Variants in ASTN2 observed in about 807,000 individuals in gnomAD.
ASTN2 encodes astrotactin-2.
Under a neutral mutation model 139.8 loss-of-function variants are expected in ASTN2, and 54 were observed. That is an observed-to-expected ratio of 0.39 (90% CI 0.31 to 0.48). ASTN2 has a LOEUF of 0.48. Ranked by LOEUF, ASTN2 falls within the 20% of genes least tolerant of loss-of-function variation. The pLI is 0.95. For synonymous variants in ASTN2, 756 were observed against 719.5 expected (o/e 1.05, Z -0.81); for missense variants, 1,565 against 1,725.1 (o/e 0.91, Z 1.64).
intron 19 of ASTN2, chr9:116,613,631 A>G (rs1221835425): frequency 6.6e-6 from 1 of 152,384 alleles, no homozygotes; most frequent in African/African-American, 2.4e-5. Flanking sequence ...AAAACACATG[A>G]TTATCTCAAT....
At chr9:117,111,645 G>C (rs1342984420) in intron 4 of ASTN2, among the ~76,000 whole-genome samples, 3 of 151,908 alleles carry the variant, frequency 2.0e-5, no homozygotes, top group South Asian at 2.1e-4. Flanking sequence ...AGAAATAAAG[G>C]CTAGAATTTA....
At chr9:117,147,562 C>A (rs1031952058) in intron 3 of ASTN2, among the ~76,000 whole-genome samples, 1 of 152,102 alleles carries the variant, frequency 6.6e-6, no homozygotes. Flanking sequence ...TATCACTTTG[C>A]TCGCCCTCTT....
chr9:117,150,828 C>T (rs1171838895), intron 3 of ASTN2, among the ~76,000 whole-genome samples: 1 of 152,022 alleles, frequency 6.6e-6, no homozygotes, highest in African/African-American at 2.4e-5. Flanking sequence ...TCCTGAGTAA[C>T]TGGGACTATA....
chr9:116,635,486 T>C (rs1247764852), intron 17 of ASTN2, among the ~76,000 whole-genome samples: 1 of 152,226 alleles, frequency 6.6e-6, no homozygotes, highest in Non-Finnish European at 1.5e-5. Flanking sequence ...AATCTATCTA[T>C]ATTTATACCT....
At position 116,473,577 on chromosome 9, in the gene ASTN2, A is replaced by G. The variant is rs569462973; in HGVS notation, c.3497+13782T>C. 5.3e-5 allele frequency among the ~76,000 whole-genome samples: 8 copies of G among 152,290 alleles called. No homozygotes were observed. In the South Asian group the frequency reaches 1.7e-3, roughly 32 times the overall value. On this transcript the variant is annotated intron_variant, in intron 20 of 22. Transcript: ENST00000313400. ...AATTAGCCAAGCATGAGTCCCCTTCAAGGTCATCATTTCAGTTGGCAGATA... is the reference window on the plus strand; with the variant it reads ...AATTAGCCAAGCATGAGTCCCCTTCGAGGTCATCATTTCAGTTGGCAGATA...
At chr9:117,238,772 G>A (rs753441465) in intron 2 of ASTN2, among the ~76,000 whole-genome samples, 5 of 152,114 alleles carry the variant, frequency 3.3e-5, no homozygotes, top group Admixed American at 2.0e-4. Context: ...TCCAGTGACC[G>A]CTATAAAGAT....
chr9:117,040,515 G>A (rs1277732945), intron 5 of ASTN2, among the ~76,000 whole-genome samples: 1 of 152,152 alleles, frequency 6.6e-6, no homozygotes, highest in African/African-American at 2.4e-5. Context: ...CTAGAGTGCA[G>A]TGGCACAATC....
chr9:116,969,514 T>G (rs1479360688), intron 10 of ASTN2, among the ~76,000 whole-genome samples: 2 of 152,044 alleles, frequency 1.3e-5, no homozygotes, highest in African/African-American at 4.8e-5. Flanking sequence ...GTTGTAAGCC[T>G]GGAGAGGTCA....
chr9:117,308,448 T>C (rs1835058718), intron 1 of ASTN2, among the ~76,000 whole-genome samples: 1 of 152,068 alleles, frequency 6.6e-6, no homozygotes, highest in Non-Finnish European at 1.5e-5. Context: ...ATGCAGTTAG[T>C]ATGGAGCACA....
At chr9:116,982,238 C>G (rs1836530770) in intron 7 of ASTN2, among the ~76,000 whole-genome samples, 1 of 152,154 alleles carries the variant, frequency 6.6e-6, no homozygotes, top group South Asian at 2.1e-4. Context: ...TTTGCAAGAA[C>G]CTGATAAATT....
intron 16 of ASTN2, among the ~76,000 whole-genome samples, chr9:116,666,585 C>A (rs917034741): frequency 1.5e-4 from 23 of 152,080 alleles, no homozygotes; most frequent in Admixed American, 5.2e-4. Context: ...CTGTATCATA[C>A]TTTTAAAATA....
chr9:116,540,092 T>C (rs1385687157), intron 19 of ASTN2, among the ~76,000 whole-genome samples: 1 of 152,236 alleles, frequency 6.6e-6, no homozygotes, highest in Admixed American at 6.5e-5. Flanking sequence ...AGACTGCTTT[T>C]CCAGCCAATG....
chr9:116,947,306 A>C (rs1835425398), intron 10 of ASTN2, among the ~76,000 whole-genome samples: 1 of 152,176 alleles, frequency 6.6e-6, no homozygotes, highest in African/African-American at 2.4e-5. Flanking sequence ...CAAGATAATG[A>C]ATGTGAACGT....
Position 116,976,736 on chromosome 9 carries a change from G to T in ASTN2, c.1641C>A (p.His547Gln), listed in dbSNP as rs10983437. 6.2e-7 allele frequency: 1 copy of T among 1,613,916 alleles called. No homozygotes were observed. Among genetic ancestry groups the T allele is most frequent in the Non-Finnish European group, 8.5e-7 (1 of 1,179,950 alleles). The change falls in exon 8 of 23, where the codon CAC becomes CAA. Residue 547 changes from histidine to glutamine, a missense_variant. Transcript: ENST00000313400. ...EGYAPDPVHR[H>Q]LCVRSDWGQS... is the part of the protein sequence containing the mutation. ...GTCCCCAGTCACTGCGCACACACAG[G>T]TGTCTGTGAACAGGGTCAGGGGCAT...
chr9:117,008,210 C>T lies in ASTN2; in HGVS notation c.1473G>A (p.Trp491Ter). Residue 491 changes from tryptophan to a stop codon, truncating the protein, a stop_gained, in exon 7 of 23, where the codon TGG becomes TGA. Transcript: ENST00000313400. LOFTEE classifies it high-confidence loss of function. ...SEGSYLDISD[W>*]LNPAKLSLYY... Reference sequence around the variant, plus strand: ...ACAGGGAAAGCTTGGCCGGGTTTAACCAGTCGGAGATGTCCAGGTAGCTCC... The same window carrying T: ...ACAGGGAAAGCTTGGCCGGGTTTAATCAGTCGGAGATGTCCAGGTAGCTCC... The T allele has an allele frequency of 6.2e-7, 1 of 1,610,636 alleles. No homozygotes were observed.
intron 1 of ASTN2, among the ~76,000 whole-genome samples, chr9:117,323,337 G>T (rs1482463112): frequency 1.4e-5 from 2 of 141,962 alleles, no homozygotes; most frequent in African/African-American, 5.2e-5. Flanking sequence ...AATCAATCAA[G>T]ACCTAACCCC....
intron 2 of ASTN2, among the ~76,000 whole-genome samples, chr9:117,227,918 G>C (rs897485622): frequency 1.3e-5 from 2 of 152,166 alleles, no homozygotes; most frequent in Admixed American, 1.3e-4. Flanking sequence ...CCTGATAGCT[G>C]TATCTATTTG....
At chr9:116,534,208 T>C (rs1564349870) in intron 19 of ASTN2, among the ~76,000 whole-genome samples, 1 of 152,176 alleles carries the variant, frequency 6.6e-6, no homozygotes, top group Non-Finnish European at 1.5e-5. Flanking sequence ...GGTGGTGATA[T>C]CCCCTTTATC....
chr9:117,170,128 A>C (rs1266352431), intron 3 of ASTN2, among the ~76,000 whole-genome samples: 1 of 152,152 alleles, frequency 6.6e-6, no homozygotes, highest in Non-Finnish European at 1.5e-5. Flanking sequence ...ACTGCATATA[A>C]TCATTAAATA....
Sources: allele counts gnomAD v4.1 joint callset (sites outside exome capture counted in the v4.1 genomes callset), GRCh38; gene constraint gnomAD v4.1.1; transcripts MANE v1.5; gene names NCBI Gene and HGNC (gene_info 2026-07-23, HGNC 2026-07-21).